The following PCF11 variants were observed in gnomAD, a reference collection of about 807,000 sequenced individuals.
PCF11 encodes PCF11 cleavage and polyadenylation factor subunit.
A neutral mutation model predicts 166.1 loss-of-function variants in PCF11; 19 were observed. That is an observed-to-expected ratio of 0.11 (90% CI 0.08 to 0.17). The LOEUF (loss-of-function observed/expected upper bound fraction) is 0.17. PCF11 is among the 10% of genes least tolerant of loss of function. PCF11 has a pLI of 1.00. For synonymous variants in PCF11, 663 were observed against 644.1 expected (o/e 1.03, Z -0.44); for missense variants, 1,565 against 1,855.5 (o/e 0.84, Z 2.88).
At chr11:83,157,191 C>T in exon 1 of PCF11, 1 of 576,108 alleles carries the variant, frequency 1.7e-6, no homozygotes, top group Non-Finnish European at 3.1e-6. Context: ...CTGCCGCCGC[C>T]ATTTTGTGTC....
At chr11:83,158,152 C>T (rs1176469546) in intron 1 of PCF11, 1 of 153,166 alleles carries the variant, frequency 6.5e-6, no homozygotes, top group Non-Finnish European at 1.5e-5. Flanking sequence ...AGGAGCCCAA[C>T]ATGGCGCCTG....
chr11:83,161,330 C>T, exon 2 of PCF11: 3 of 1,592,128 alleles, frequency 1.9e-6, no homozygotes, highest in Non-Finnish European at 2.6e-6. Flanking sequence ...TATTCAGGCT[C>T]CTTCCTCAGA....
Position 83,167,829 on chromosome 11 carries a change from C to T in PCF11, c.2092+324C>T, listed in dbSNP as rs763698094. 9.1e-6 allele frequency: 12 copies of T among 1,323,610 alleles called. 1 individual carries two copies. Among genetic ancestry groups the T allele is most frequent in the South Asian group, 4.9e-5 (4 of 81,288 alleles). 82.0% of individuals were successfully genotyped at this position (1,323,610 alleles called of 1,614,324 possible). ...ACGTCTTTCTCCTATATCTGGGAGT[C>T]GTACTTATGCTGAGAATCTTTCACC... On this transcript the variant is annotated intron_variant, in intron 7 of 15. Coordinates refer to ENST00000298281, the Ensembl canonical transcript of PCF11. The surrounding 1 kb of genome is among the most constrained non-coding windows in gnomAD (Gnocchi z 4.2).
Position 83,171,814 on chromosome 11 carries a change from A to T in PCF11, c.3661-4A>T. On this transcript the variant is annotated splice_polypyrimidine_tract_variant and splice_region_variant and intron_variant, in intron 8 of 15. Transcript: ENST00000298281. ...TGTTCTTAAAATTAAGGTTTTTCTT[A>T]AAGGTTCTGAGTGGTGTTGCTCAGC... The T allele has an allele frequency of 6.6e-7, 1 of 1,519,000 alleles. No homozygotes were observed. The highest frequency in any genetic ancestry group is 9.1e-7 in the Non-Finnish European group (1 of 1,096,772). 94.1% of individuals were successfully genotyped at this position (1,519,000 alleles called of 1,614,324 possible).
chr11:83,177,401 G>A (rs988884823), intron 10 of PCF11, among the ~76,000 whole-genome samples, 197 bp downstream of exon 10: 3 of 152,160 alleles, frequency 2.0e-5, no homozygotes, highest in Non-Finnish European at 4.4e-5. Context: ...TAGTGGACAT[G>A]TGTTTCAGTT....
chr11:83,184,675 G>A lies in PCF11; in HGVS notation c.4453-4G>A. ...CAGTACTCATAGGGCCTTTCATTTT[G>A]TAGACATCTTCATTTGATTGTACAC... On this transcript the variant is annotated splice_region_variant and splice_polypyrimidine_tract_variant and intron_variant, in intron 15 of 15. Transcript: ENST00000298281. 6.2e-7 allele frequency: 1 copy of A among 1,603,382 alleles called. No homozygotes were observed. Among genetic ancestry groups the A allele is most frequent in the Non-Finnish European group, 8.5e-7 (1 of 1,173,112 alleles).
At chr11:83,158,855 T>C (rs745978870) in intron 1 of PCF11, 2 of 152,234 alleles carry the variant, frequency 1.3e-5, no homozygotes, top group African/African-American at 4.8e-5. Context: ...ATTATAAAAT[T>C]TGTGAATAAA....
rs1395670614 is a variant in PCF11, at chr11:83,167,145, A to G, written c.1838A>G (p.His613Arg). ...TTCAGCTTACAACAGGTTGATGAACATAGTAAACCTCCTCATCTGAGGCAT... is the reference window on the plus strand; with the variant it reads ...TTCAGCTTACAACAGGTTGATGAACGTAGTAAACCTCCTCATCTGAGGCAT... The change falls in exon 6 of 16, where the codon CAT becomes CGT. Residue 613 changes from histidine (H) to arginine (R), a missense_variant. By Grantham distance (29) the His-to-Arg change is conservative. Around this residue, in one of 12 missense-constraint regions of PCF11, gnomAD observed 468 missense variants for 483.4 expected, o/e 0.97. Transcript: ENST00000298281. This position sits in a 1 kb window ranked among gnomAD's most constrained non-coding sequence, Gnocchi z 4.2. The G allele has an allele frequency of 2.5e-6, 4 of 1,612,494 alleles. No individual in the cohort carries two copies. The Admixed American group carries it at 5.0e-5, about 20-fold the overall frequency.
At chr11:83,157,345 A>G (rs1470459395) in exon 1 of PCF11, 2 of 1,141,922 alleles carry the variant, frequency 1.8e-6, no homozygotes, top group Non-Finnish European at 2.5e-6. Flanking sequence ...GCCGCGAGAG[A>G]GCCGGGGAGA....
intron 9 of PCF11, among the ~76,000 whole-genome samples, chr11:83,174,513 T>C (rs1860808795): frequency 6.6e-6 from 1 of 151,364 alleles, no homozygotes; most frequent in Admixed American, 6.6e-5. Flanking sequence ...GCCACCACAC[T>C]CGGCCTCAAA....
intron 15 of PCF11, 41 bp downstream of exon 15, chr11:83,183,114 TAATA>T (rs762875591): frequency 5.1e-6 from 6 of 1,181,824 alleles, no homozygotes; most frequent in African/African-American, 1.6e-5. Flanking sequence ...TCATTTGCAT[TAATA>T]AATTTTACTT....
intron 9 of PCF11, among the ~76,000 whole-genome samples, chr11:83,173,007 G>GTTA (rs954310426): frequency 5.3e-5 from 8 of 152,040 alleles, no homozygotes; most frequent in Non-Finnish European, 1.0e-4. Flanking sequence ...ATTAATATTT[G>GTTA]TTATTATTAT....
At chr11:83,169,897 C>T (rs1398686948) in exon 8 of PCF11, 2 of 1,612,122 alleles carry the variant, frequency 1.2e-6, no homozygotes, top group Non-Finnish European at 1.7e-6. Flanking sequence ...AGCTTCTGGA[C>T]ACTATTTTGA....
chr11:83,178,592 GAGACCATCCTGGCTAACA>G (rs890145812), intron 11 of PCF11, among the ~76,000 whole-genome samples: 12 of 151,750 alleles, frequency 7.9e-5, no homozygotes, highest in East Asian at 1.9e-4. Flanking sequence ...TCAGGAGATC[GAGACCATCCTGGCTAACA>G]AGACCATCCT....
chr11:83,158,814 C>T (rs1860110734), intron 1 of PCF11: 2 of 152,196 alleles, frequency 1.3e-5, no homozygotes, highest in South Asian at 2.1e-4. Flanking sequence ...TGGTCTGACT[C>T]TAATAAATGG....
chr11:83,169,363 G>C, exon 8 of PCF11: 1 of 1,613,796 alleles, frequency 6.2e-7, no homozygotes, highest in East Asian at 2.2e-5. Flanking sequence ...GAGGTTTGAG[G>C]GTCCTTCTGT....
chr11:83,164,458 T>A lies in PCF11; in HGVS notation c.702+57T>A, dbSNP rs1860374494. 1.0e-5 allele frequency: 13 copies of A among 1,260,814 alleles called. No homozygotes were observed. In the East Asian group the frequency reaches 3.2e-4, roughly 31 times the overall value. 78.1% of individuals were successfully genotyped at this position (1,260,814 alleles called of 1,614,324 possible). A position where few individuals can be genotyped will look rare whatever the true frequency, so the allele number is the denominator to read the frequency against. ...TTAAACCTGTCTAACAATAGGGAAG[T>A]AATGTTTATGTTTGAATTTTATTAA... On this transcript the variant is annotated intron_variant, in intron 4 of 15. Coordinates refer to ENST00000298281, the Ensembl canonical transcript of PCF11.
rs769631307 is a variant in PCF11 at position 83,171,933 on chromosome 11, T to C, written c.3757+19T>C. ...CCTTCAGGTATGTACTTTCTGAACT[T>C]TGTTTTTCAAAAGACAAATGATTAT... On this transcript the variant is annotated intron_variant, in intron 9 of 15. Transcript: ENST00000298281. The C allele has an allele frequency of 8.3e-7, 1 of 1,198,562 alleles. No individual in the cohort carries two copies. The highest frequency in any genetic ancestry group is 1.2e-6 in the Non-Finnish European group (1 of 813,292). The allele number at this position is 1,198,562 out of a possible 1,614,324, so 74.2% of individuals were successfully genotyped here.
intron 9 of PCF11, among the ~76,000 whole-genome samples, chr11:83,176,263 T>C (rs1040620202): frequency 6.6e-6 from 1 of 152,182 alleles, no homozygotes; most frequent in Non-Finnish European, 1.5e-5. Flanking sequence ...GAATATATTC[T>C]CAACTCCAGT....
Sources: allele counts gnomAD v4.1 joint callset (sites outside exome capture counted in the v4.1 genomes callset), GRCh38; gene constraint gnomAD v4.1.1; regional missense constraint gnomAD v4.1.1; non-coding constraint Gnocchi (gnomAD v3.1); transcripts MANE v1.5; gene names NCBI Gene and HGNC (gene_info 2026-07-23, HGNC 2026-07-21).